The following RNF212B variants were observed in gnomAD, a reference collection of about 807,000 sequenced individuals.
RNF212B encodes ring finger protein 212B.
Under a neutral mutation model 55.5 loss-of-function variants are expected in RNF212B, and 52 were observed. The ratio of observed to expected loss-of-function variants is 0.94; its 90% CI spans 0.75 to 1.18. The LOEUF (loss-of-function observed/expected upper bound fraction) is 1.18. Among genes scored for constraint, RNF212B ranks in the 50% most tolerant of loss-of-function variants. RNF212B has a pLI of 0.00. For synonymous variants in RNF212B, 99 were observed against 121.4 expected (o/e 0.82, Z 1.21); for missense variants, 289 against 350.4 (o/e 0.82, Z 1.40).
chr14:23,264,596 A>G, intron 10 of RNF212B, 27 bp from the exon 11 acceptor site: 1 of 1,306,912 alleles, frequency 7.7e-7, no homozygotes, highest in South Asian at 2.5e-5. Context: ...TATATTTATT[A>G]ATTGATGCTT....
intron 2 of RNF212B, among the ~76,000 whole-genome samples, chr14:23,203,228 C>T (rs530589880): frequency 6.6e-6 from 1 of 151,992 alleles, no homozygotes; most frequent in East Asian, 1.9e-4. Flanking sequence ...TCAGTGAGAA[C>T]ATATGATGTT....
At chr14:23,213,780 G>A (rs1263518691) in intron 2 of RNF212B, among the ~76,000 whole-genome samples, 1 of 152,164 alleles carries the variant, frequency 6.6e-6, no homozygotes, top group African/African-American at 2.4e-5. Context: ...GAGAGGCAGA[G>A]AGAGAAAATG....
chr14:23,238,737 AAATAAT>A (rs34688858), intron 1 of RNF212B, among the ~76,000 whole-genome samples: 7,575 of 136,160 alleles, frequency 0.056, 256 homozygotes, highest in African/African-American at 0.091. Context: ...CCCTGTCTCA[AAATAAT>A]AATAATAATA....
chr14:23,204,121 T>C (rs1879604636), intron 2 of RNF212B, among the ~76,000 whole-genome samples: 1 of 152,242 alleles, frequency 6.6e-6, no homozygotes. Flanking sequence ...TTCCGGATAT[T>C]AGTCCTTTGT....
Position 23,273,282 on chromosome 14 carries a change from TC to T in RNF212B, c.*394del, listed in dbSNP as rs202155697. The T allele has an allele frequency of 0.011, 1,763 of 157,260 alleles. 9 individuals are homozygous for T. The highest frequency in any genetic ancestry group is 0.016 in the Non-Finnish European group (1,123 of 71,356). 9.7% of individuals were successfully genotyped at this position (157,260 alleles called of 1,614,324 possible). ...TTCATTTTTAGCTTTGGATATACTG[TC>T]CCATTGCCAATGTTAACGAGCAATA... is the stretch of plus-strand genomic sequence containing the variant. On this transcript the variant is annotated 3_prime_UTR_variant, in exon 15 of 15. Coordinates refer to ENST00000430154, the MANE Select transcript of RNF212B (RefSeq NM_001282322.3).
At chr14:23,248,049 G>T (rs1049448918) in intron 4 of RNF212B, among the ~76,000 whole-genome samples, 7 of 152,182 alleles carry the variant, frequency 4.6e-5, no homozygotes, top group African/African-American at 1.7e-4. Context: ...TTGCTTCCAA[G>T]ATAATGCCTT....
At chr14:23,227,392 G>A (rs1217073486) in intron 2 of RNF212B, among the ~76,000 whole-genome samples, 1 of 152,092 alleles carries the variant, frequency 6.6e-6, no homozygotes, top group East Asian at 1.9e-4. Flanking sequence ...ATGGTGTATG[G>A]AAGCGGGCAC....
intron 2 of RNF212B, among the ~76,000 whole-genome samples, chr14:23,196,563 C>T (rs187395509): frequency 6.6e-6 from 1 of 152,346 alleles, no homozygotes. Context: ...CCTCAGCCTC[C>T]TGAGTAGCTA....
chr14:23,227,591 C>T (rs1261796481), intron 2 of RNF212B, among the ~76,000 whole-genome samples: 5 of 149,984 alleles, frequency 3.3e-5, no homozygotes, highest in Admixed American at 6.7e-5. Context: ...TACATTAAAT[C>T]GAACAAAAAG....
At position 23,259,914 on chromosome 14, in the gene RNF212B, A is replaced by G. The variant is rs1244514612; in HGVS notation, c.375A>G (p.Gly125=). ...KELSVLRKEN[G]ELKKFLAILK... ...TGTCAGTCTTAAGGAAGGAGAATGG[A>G]GAACTGAAGAAATTTCTAGCCATTC... Residue 125 remains glycine, a synonymous_variant, in exon 6 of 15, where the codon GGA becomes GGG. Transcript: ENST00000430154. 6 of 1,517,672 alleles carry G rather than the reference A, an allele frequency of 4.0e-6. No individual in the cohort carries two copies. Among genetic ancestry groups the G allele is most frequent in the Non-Finnish European group, 5.3e-6 (6 of 1,128,518 alleles). The allele number at this position is 1,517,672 out of a possible 1,614,324, so 94.0% of individuals were successfully genotyped here.
intron 4 of RNF212B, among the ~76,000 whole-genome samples, chr14:23,248,315 T>A (rs78867575): frequency 0.08 from 12,041 of 150,074 alleles, 637 homozygotes; most frequent in African/African-American, 0.15. Flanking sequence ...TTTTTTTTTT[T>A]AATAGATACA....
intron 2 of RNF212B, among the ~76,000 whole-genome samples, chr14:23,228,515 A>C (rs1406327696): frequency 6.6e-6 from 1 of 150,744 alleles, no homozygotes; most frequent in African/African-American, 2.4e-5. Context: ...ATGTGCCTGT[A>C]GTCCTAACTA....
chr14:23,243,906 C>A (rs1185970389), intron 3 of RNF212B, among the ~76,000 whole-genome samples: 1 of 151,512 alleles, frequency 6.6e-6, no homozygotes, highest in African/African-American at 2.4e-5. Context: ...AGGAAACCCT[C>A]GTCTCTACTA....
At chr14:23,194,734 C>CAAAAAAAAAAAAA (rs34019946) in intron 2 of RNF212B, among the ~76,000 whole-genome samples, 1 of 74,962 alleles carries the variant, frequency 1.3e-5, no homozygotes, top group African/African-American at 4.7e-5. Context: ...GACTCTGTCT[C>CAAAAAAAAAAAAA]AAAAAAAAAA....
chr14:23,228,350 C>T (rs1026854477), intron 2 of RNF212B, among the ~76,000 whole-genome samples: 3 of 151,282 alleles, frequency 2.0e-5, no homozygotes, highest in Non-Finnish European at 4.4e-5. Flanking sequence ...GCTGGCCAGG[C>T]GCAGTGGATC....
In RNF212B at chr14:23,232,445, G is replaced by C. The variant is rs537472969; in HGVS notation, c.-1-7900G>C. ...TGAGAAGTGAGGAGCGCCTCCGCCC[G>C]GCAGCCGCCCCGTCTGAGAAGTGAG... On this transcript the variant is annotated intron_variant, in intron 2 of 15. Coordinates refer to the RNF212B transcript ENST00000399910. 1.1e-4 allele frequency among the ~76,000 whole-genome samples: 13 copies of C among 113,174 alleles called. 1 individual carries two copies. In the East Asian group the frequency reaches 3.2e-3, roughly 28 times the overall value. The allele number at this position is 113,174 out of a possible 152,430, so 74.2% of individuals were successfully genotyped here.
At chr14:23,190,311 T>A (rs1273432041) in intron 1 of RNF212B, among the ~76,000 whole-genome samples, 1 of 152,186 alleles carries the variant, frequency 6.6e-6, no homozygotes, top group Non-Finnish European at 1.5e-5. Flanking sequence ...AACCACCTAA[T>A]TGATGTCTCT....
intron 4 of RNF212B, among the ~76,000 whole-genome samples, chr14:23,252,076 C>T (rs1301799955): frequency 6.7e-6 from 1 of 149,222 alleles, no homozygotes; most frequent in African/African-American, 2.5e-5. Flanking sequence ...TTTTCCCTCT[C>T]TGATTGTCAG....
intron 4 of RNF212B, among the ~76,000 whole-genome samples, chr14:23,250,498 G>C (rs973862252): frequency 1.5e-5 from 2 of 133,428 alleles, no homozygotes; most frequent in Non-Finnish European, 3.3e-5. Flanking sequence ...AAAAAAAAAA[G>C]ACTGAATTAA....
Sources: gnomAD v4.1 joint callset for allele counts (sites outside exome capture counted in the v4.1 genomes callset) on GRCh38, gnomAD v4.1.1 for gene constraint, MANE v1.5 for transcripts, NCBI Gene and HGNC (gene_info 2026-07-23, HGNC 2026-07-21) for gene names.